The following AFG1L variants were observed in gnomAD, a reference collection of about 807,000 sequenced individuals.
The protein encoded by AFG1L is AFG1-like ATPase.
A neutral mutation model predicts 62.2 loss-of-function variants in AFG1L; 53 were observed. That is an observed-to-expected ratio of 0.85 (90% confidence interval 0.68 to 1.07). AFG1L has a LOEUF of 1.07. AFG1L is among the 50% of genes least tolerant of loss of function. The pLI, the probability that AFG1L is intolerant of heterozygous loss-of-function variation, is 0.00. For missense variants in AFG1L, 555 were observed against 590.5 expected, an observed-to-expected ratio of 0.94 and a Z score of 0.62; for synonymous variants, 228 against 210.3, an observed-to-expected ratio of 1.08 and a Z score of -0.73.
At chr6:108,335,949 A>G (rs903529769) in intron 2 of AFG1L, among the ~76,000 whole-genome samples, 26 of 152,326 alleles carry the variant, frequency 1.7e-4, no homozygotes, top group African/African-American at 5.5e-4. Flanking sequence ...CCCCCAACTT[A>G]TTTAGATACT....
intron 1 of AFG1L, among the ~76,000 whole-genome samples, chr6:108,322,174 C>T (rs1457625373): frequency 6.6e-6 from 1 of 152,154 alleles, no homozygotes; most frequent in Non-Finnish European, 1.5e-5. Flanking sequence ...TCCCAAAGTG[C>T]TAGGATTACA....
intron 6 of AFG1L, among the ~76,000 whole-genome samples, chr6:108,386,959 A>G (rs1261464925): frequency 1.3e-5 from 2 of 152,226 alleles, no homozygotes; most frequent in African/African-American, 4.8e-5. Flanking sequence ...AATGTAGGCA[A>G]AAAGTAAAAG....
chr6:108,515,807 G>T (rs1428751093), intron 11 of AFG1L, among the ~76,000 whole-genome samples: 4 of 152,128 alleles, frequency 2.6e-5, no homozygotes, highest in Non-Finnish European at 5.9e-5. Flanking sequence ...AATAAAAAAT[G>T]ATAAAGGGGA....
intron 3 of AFG1L, among the ~76,000 whole-genome samples, chr6:108,351,333 A>G (rs1037276579): frequency 6.6e-5 from 10 of 152,228 alleles, no homozygotes; most frequent in Non-Finnish European, 1.2e-4. Context: ...TGGGACCACC[A>G]TTGTGTATGT....
Position 108,441,712 on chromosome 6 carries a change from A to ATATATATATAT in AFG1L, c.808-5502_808-5501insTATATATATAT, listed in dbSNP as rs1554198359. ...ATCTGAGGTTTATTTAAAAAAAAAA[A>ATATATATATAT]ATATATATATATATATATAAACTGA... On this transcript the variant is annotated intron_variant, in intron 7 of 12. Coordinates refer to ENST00000368977, the MANE Select transcript of AFG1L (RefSeq NM_145315.5). Among the ~76,000 whole-genome samples the ATATATATATAT allele has an allele frequency of 3.1e-3, 427 of 139,452 alleles. 7 individuals are homozygous for ATATATATATAT. The South Asian group carries it at 0.039, about 13-fold the overall frequency. The allele number at this position is 139,452 out of a possible 152,430, so 91.5% of individuals were successfully genotyped here. A position where few individuals can be genotyped will look rare whatever the true frequency, so the allele number is the denominator to read the frequency against.
chr6:108,354,628 A>C (rs1458780509), intron 3 of AFG1L, among the ~76,000 whole-genome samples: 1 of 152,044 alleles, frequency 6.6e-6, no homozygotes, highest in Non-Finnish European at 1.5e-5. Flanking sequence ...TTTAACAGAG[A>C]AGGCCACTAA....
At chr6:108,507,311 C>G (rs1313960884) in intron 10 of AFG1L, among the ~76,000 whole-genome samples, 1 of 152,068 alleles carries the variant, frequency 6.6e-6, no homozygotes, top group African/African-American at 2.4e-5. Flanking sequence ...TTTTCCTCAT[C>G]CTAGACTGAA....
intron 11 of AFG1L, among the ~76,000 whole-genome samples, chr6:108,516,359 A>G (rs1394038165): frequency 6.6e-6 from 1 of 152,244 alleles, no homozygotes; most frequent in Non-Finnish European, 1.5e-5. Flanking sequence ...ACACAAATCA[A>G]TAAACGTAAT....
At chr6:108,360,817 C>A (rs1055779078) in intron 5 of AFG1L, among the ~76,000 whole-genome samples, 2 of 152,166 alleles carry the variant, frequency 1.3e-5, no homozygotes, top group African/African-American at 4.8e-5. Context: ...CTCTACTTAT[C>A]CCCCTTCCCT....
At chr6:108,450,543 A>G (rs565922995) in intron 8 of AFG1L, among the ~76,000 whole-genome samples, 4 of 152,138 alleles carry the variant, frequency 2.6e-5, no homozygotes, top group East Asian at 3.9e-4. Flanking sequence ...CTCCCATTCT[A>G]TAGGTTGTCT....
intron 6 of AFG1L, among the ~76,000 whole-genome samples, chr6:108,380,619 C>G (rs1780461161): frequency 6.6e-6 from 1 of 152,188 alleles, no homozygotes; most frequent in African/African-American, 2.4e-5. Flanking sequence ...GTTCCAATCT[C>G]TGGCCTGAGA....
chr6:108,343,582 C>T (rs529012306), intron 2 of AFG1L, among the ~76,000 whole-genome samples: 46 of 152,320 alleles, frequency 3.0e-4, no homozygotes, highest in African/African-American at 1.0e-3. Context: ...ATTTCACATA[C>T]ATAGAATATA....
chr6:108,351,661 G>A (rs896185358), intron 3 of AFG1L, among the ~76,000 whole-genome samples: 3 of 151,208 alleles, frequency 2.0e-5, no homozygotes, highest in Admixed American at 6.6e-5. Flanking sequence ...GGAGAAGTGT[G>A]CAGTCTTTTA....
chr6:108,377,278 C>T (rs542512134), intron 6 of AFG1L, among the ~76,000 whole-genome samples: 1 of 152,142 alleles, frequency 6.6e-6, no homozygotes, highest in Non-Finnish European at 1.5e-5. Flanking sequence ...AAGTTTTGAT[C>T]CTATTGTGAA....
intron 6 of AFG1L, among the ~76,000 whole-genome samples, chr6:108,378,984 TCTC>T (rs1780376415): frequency 6.7e-6 from 1 of 149,976 alleles, no homozygotes; most frequent in South Asian, 2.1e-4. Context: ...CTGCTGCTCT[TCTC>T]CTTCTCCTTC....
chr6:108,369,612 CA>C (rs1779906128), intron 6 of AFG1L, among the ~76,000 whole-genome samples: 1 of 151,462 alleles, frequency 6.6e-6, no homozygotes, highest in South Asian at 2.1e-4. Flanking sequence ...TTTTAGGTCA[CA>C]ATTTTTTTTT....
At chr6:108,453,988 A>T (rs1772157944) in intron 8 of AFG1L, among the ~76,000 whole-genome samples, 1 of 152,162 alleles carries the variant, frequency 6.6e-6, no homozygotes, top group Non-Finnish European at 1.5e-5. Context: ...CCTTCCTTTT[A>T]GGCCGTCATT....
intron 3 of AFG1L, among the ~76,000 whole-genome samples, chr6:108,352,290 A>G (rs767601013): frequency 7.9e-5 from 12 of 152,200 alleles, no homozygotes; most frequent in Non-Finnish European, 1.8e-4. Flanking sequence ...AATATCTTCA[A>G]GATTCATCCA....
intron 7 of AFG1L, among the ~76,000 whole-genome samples, chr6:108,430,213 C>CTA (rs1771010019): frequency 6.6e-6 from 1 of 152,076 alleles, no homozygotes; most frequent in Admixed American, 6.5e-5. Flanking sequence ...CTCTAAAGTG[C>CTA]TAAATACAGG....
Sources: gnomAD v4.1 joint callset for allele counts (sites outside exome capture counted in the v4.1 genomes callset) on GRCh38, gnomAD v4.1.1 for gene constraint, MANE v1.5 for transcripts, NCBI Gene and HGNC (gene_info 2026-07-23, HGNC 2026-07-21) for gene names.